The following KCNH1 variants were observed in gnomAD, a reference collection of about 807,000 sequenced individuals.
KCNH1 encodes the protein potassium voltage-gated channel subfamily H member 1.
Under a neutral mutation model 69.2 loss-of-function variants are expected in KCNH1, and 27 were observed. The ratio of observed to expected loss-of-function variants is 0.39; its 90% confidence interval spans 0.29 to 0.54. KCNH1 has a LOEUF of 0.54. KCNH1 is among the 20% of genes least tolerant of loss of function. The probability of loss-of-function intolerance (pLI) is 0.68; values close to 1 mark genes in which losing one functional copy is unlikely to be tolerated. For synonymous variants in KCNH1, 456 were observed against 487.7 expected (o/e 0.93, Z 0.86); for missense variants, 798 against 1,261.6 (o/e 0.63, Z 5.57).
chr1:210,952,130 T>C (rs373204583), intron 6 of KCNH1, among the ~76,000 whole-genome samples: 14 of 152,220 alleles, frequency 9.2e-5, no homozygotes, highest in African/African-American at 3.1e-4. Flanking sequence ...ACCTCCTCTC[T>C]CCCTCAGCAC....
chr1:210,831,681 TAGAC>T (rs549586838), intron 7 of KCNH1, among the ~76,000 whole-genome samples: 41 of 152,326 alleles, frequency 2.7e-4, no homozygotes, highest in African/African-American at 7.2e-4. Context: ...TTTCCCCTCT[TAGAC>T]AGCCTTCTAA....
chr1:210,816,551 C>T (rs1413371139), intron 7 of KCNH1, among the ~76,000 whole-genome samples: 2 of 152,276 alleles, frequency 1.3e-5, no homozygotes, highest in East Asian at 1.9e-4. Flanking sequence ...ATTTTGAGCT[C>T]GCTGAGTTCT....
rs552639234 is a variant in KCNH1, at chr1:210,729,484, T to A, written c.2113-45346A>T. Among the ~76,000 whole-genome samples, 8 of 152,358 alleles carry A rather than the reference T, an allele frequency of 5.3e-5. No individual in the cohort carries two copies. The South Asian group carries it at 1.7e-3, about 32-fold the overall frequency. ...ATTGCCAGGTGGCCCTCCCAGCTTG[T>A]GAGCTGTGACACCACATTTCTCTTC... On this transcript the variant is annotated intron_variant, in intron 10 of 10. Transcript: ENST00000271751.
chr1:210,961,506 A>C (rs1040554620), intron 6 of KCNH1, among the ~76,000 whole-genome samples: 1 of 152,088 alleles, frequency 6.6e-6, no homozygotes, highest in African/African-American at 2.4e-5. Context: ...GATTCCACTT[A>C]TTATGCTCAG....
chr1:210,721,909 C>T (rs901478973), intron 10 of KCNH1, among the ~76,000 whole-genome samples: 1 of 152,220 alleles, frequency 6.6e-6, no homozygotes, highest in Non-Finnish European at 1.5e-5. Flanking sequence ...GAAGAGACTA[C>T]AGACCAGGCC....
chr1:211,042,098 G>A (rs1042647653), intron 5 of KCNH1, among the ~76,000 whole-genome samples: 2 of 152,104 alleles, frequency 1.3e-5, no homozygotes, highest in African/African-American at 4.8e-5. Flanking sequence ...TGCTCTGTGG[G>A]AGCTCAGAAT....
At chr1:211,036,243 A>G (rs933989619) in intron 5 of KCNH1, among the ~76,000 whole-genome samples, 2 of 152,194 alleles carry the variant, frequency 1.3e-5, no homozygotes, top group African/African-American at 4.8e-5. Flanking sequence ...TTAGGCAATC[A>G]TGATGGGTGA....
intron 7 of KCNH1, among the ~76,000 whole-genome samples, chr1:210,846,152 TC>T (rs1291845472): frequency 6.6e-6 from 1 of 152,104 alleles, no homozygotes; most frequent in African/African-American, 2.4e-5. Context: ...TGGCCGTACT[TC>T]CCAAGGTAAT....
At chr1:210,937,778 T>C (rs1476633398) in intron 6 of KCNH1, among the ~76,000 whole-genome samples, 1 of 152,234 alleles carries the variant, frequency 6.6e-6, no homozygotes, top group Admixed American at 6.5e-5. Flanking sequence ...TTCCTCCTTA[T>C]ATTAACCAGA....
Position 210,953,821 on chromosome 1 carries a change from C to G in KCNH1, c.1033-33752G>C, listed in dbSNP as rs145855513. On this transcript the variant is annotated intron_variant, in intron 6 of 10. Coordinates refer to ENST00000271751, the MANE Select transcript of KCNH1 (RefSeq NM_172362.3). ...TGCCTCTCTCCCTACTGACCTCTTT[C>G]ACTGCCAGCTCCAGATACATTGAAC... 1.2e-3 allele frequency among the ~76,000 whole-genome samples: 188 copies of G among 152,338 alleles called. 1 individual carries two copies. Among genetic ancestry groups the G allele is most frequent in the African/African-American group, 4.4e-3 (181 of 41,588 alleles).
intron 10 of KCNH1, among the ~76,000 whole-genome samples, chr1:210,728,687 A>C (rs997396388): frequency 6.6e-6 from 1 of 152,236 alleles, no homozygotes; most frequent in Non-Finnish European, 1.5e-5. Flanking sequence ...GCCACACTAA[A>C]TATTGATTAG....
chr1:210,846,248 C>T (rs966822815), intron 7 of KCNH1, among the ~76,000 whole-genome samples: 6 of 152,074 alleles, frequency 3.9e-5, no homozygotes, highest in African/African-American at 1.4e-4. Flanking sequence ...TGATATGGAA[C>T]CAAAAAAGAG....
intron 5 of KCNH1, among the ~76,000 whole-genome samples, chr1:211,024,634 C>T (rs1689651521): frequency 6.6e-6 from 1 of 152,052 alleles, no homozygotes. Context: ...AAAAGATCAC[C>T]CTGGCTGCTT....
At chr1:210,847,637 G>A (rs1165206824) in intron 7 of KCNH1, among the ~76,000 whole-genome samples, 2 of 151,366 alleles carry the variant, frequency 1.3e-5, no homozygotes, top group African/African-American at 4.9e-5. Flanking sequence ...GCTAAATGAC[G>A]AGTTAATGGG....
At chr1:210,962,194 C>T (rs1688307193) in intron 6 of KCNH1, among the ~76,000 whole-genome samples, 1 of 152,222 alleles carries the variant, frequency 6.6e-6, no homozygotes, top group African/African-American at 2.4e-5. Flanking sequence ...TGCCTGGACT[C>T]CCCCTCCCTA....
chr1:210,981,758 A>G (rs1287623200), intron 6 of KCNH1, among the ~76,000 whole-genome samples: 1 of 152,058 alleles, frequency 6.6e-6, no homozygotes, highest in African/African-American at 2.4e-5. Context: ...TTTTTTCTAC[A>G]CCAGAATTGT....
At chr1:210,718,969 C>T (rs74156047) in intron 10 of KCNH1, among the ~76,000 whole-genome samples, 6,162 of 152,086 alleles carry the variant, frequency 0.041, 200 homozygotes, top group East Asian at 0.14. Flanking sequence ...AGATTTCCAG[C>T]GTGGTAGATG....
chr1:210,957,484 T>A (rs1057167200), intron 6 of KCNH1, among the ~76,000 whole-genome samples: 3 of 152,172 alleles, frequency 2.0e-5, no homozygotes, highest in Non-Finnish European at 4.4e-5. Context: ...ACCTTCTATC[T>A]CCTTGATTTG....
intron 7 of KCNH1, among the ~76,000 whole-genome samples, chr1:210,817,908 T>C (rs1684852377): frequency 1.3e-5 from 2 of 152,138 alleles, no homozygotes; most frequent in South Asian, 4.1e-4. Flanking sequence ...GTGTTGTGCA[T>C]TGCAGCATGT....
Sources: allele counts gnomAD v4.1 joint callset (sites outside exome capture counted in the v4.1 genomes callset), GRCh38; gene constraint gnomAD v4.1.1; transcripts MANE v1.5; gene names NCBI Gene and HGNC (gene_info 2026-07-23, HGNC 2026-07-21).